Variants in MYO7B observed in about 807,000 individuals in gnomAD.
MYO7B encodes the protein unconventional myosin-VIIb.
MYO7B carries 212 observed loss-of-function variants against 259.7 expected under a neutral mutation model. The ratio of observed to expected loss-of-function variants is 0.82; its 90% CI spans 0.73 to 0.91. The LOEUF (loss-of-function observed/expected upper bound fraction) is 0.91. Among genes scored for constraint, MYO7B ranks in the 40% least tolerant of loss-of-function variants. The pLI is 0.00. For synonymous variants in MYO7B, 1,197 were observed against 1,166.4 expected (o/e 1.03, Z -0.54); for missense variants, 2,732 against 2,813.5 (o/e 0.97, Z 0.66).
Position 127,607,811 on chromosome 2 carries a change from T to C in MYO7B, c.2643+387T>C, listed in dbSNP as rs887195742. 2.6e-5 allele frequency among the ~76,000 whole-genome samples: 4 copies of C among 152,110 alleles called. No homozygotes were observed. The highest frequency in any genetic ancestry group is 4.8e-5 in the African/African-American group (2 of 41,418). ...CAGCCTTAGCCTTGAACCTGGAAGGTGAGCTCAGGTCCCCTCCCTTTCACC... is the reference window on the plus strand; with the variant it reads ...CAGCCTTAGCCTTGAACCTGGAAGGCGAGCTCAGGTCCCCTCCCTTTCACC... On this transcript the variant is annotated intron_variant, in intron 21 of 47. Transcript: ENST00000409816. The surrounding 1 kb of genome is among the most constrained non-coding windows in gnomAD (Gnocchi z 4.4).
At chr2:127,637,085 AG>A (rs1681875111) in intron 47 of MYO7B, 172 bp downstream of exon 47, 1 of 1,238,026 alleles carries the variant, frequency 8.1e-7, no homozygotes, top group South Asian at 1.3e-5. Context: ...CCAGCAGCCA[AG>A]GTGGCAAGGC....
At chr2:127,548,442 A>T (rs1693320531) in intron 1 of MYO7B, among the ~76,000 whole-genome samples, 2 of 139,084 alleles carry the variant, frequency 1.4e-5, no homozygotes, top group African/African-American at 2.8e-5. Context: ...TTTGAGATGG[A>T]GTCTCACTCT....
chr2:127,631,044 T>C (rs1239981856), intron 36 of MYO7B, 136 bp downstream of exon 36: 27 of 1,373,462 alleles, frequency 2.0e-5, no homozygotes, highest in Admixed American at 2.5e-5. Flanking sequence ...GCCACCCATG[T>C]GGAGCCTGCC....
In MYO7B at chr2:127,625,419, G is replaced by C; in HGVS notation, c.4099G>C (p.Ala1367Pro). 6.2e-7 allele frequency: 1 copy of C among 1,609,812 alleles called. No homozygotes were observed. Among genetic ancestry groups the C allele is most frequent in the South Asian group, 1.1e-5 (1 of 90,368 alleles). The change falls in exon 31 of 48, where the codon GCC becomes CCC. Residue 1367 changes from alanine to proline, a missense_variant. Physicochemically the swap from Ala to Pro is conservative, Grantham distance 27. Coordinates refer to ENST00000409816, the MANE Select transcript of MYO7B (RefSeq NM_001393586.1). Reference protein sequence around the residue: ...LARHCYVQLGASAESKAVQEL... With the variant: ...LARHCYVQLGPSAESKAVQEL... ...CCGGCACTGCTACGTGCAGCTCGGC[G>C]CCTCAGCAGAGAGCAAGGCTGTCCA... is the stretch of plus-strand genomic sequence containing the variant.
rs201182404 is a variant in MYO7B at position 127,634,731 on chromosome 2, G to C, written c.5713+48G>C. On this transcript the variant is annotated intron_variant, in intron 42 of 47. Coordinates refer to ENST00000409816, the MANE Select transcript of MYO7B (RefSeq NM_001393586.1). The stretch of plus-strand genomic sequence containing the variant: ...GGGGGAGGGCGTGGCTGGGTGGGTC[G>C]AGGGGGCACTGGCGGCCTCTGTGCG... 2.7e-6 allele frequency: 4 copies of C among 1,509,254 alleles called. No homozygotes were observed. In the Admixed American group the frequency reaches 5.5e-5, roughly 21 times the overall value. 93.5% of individuals were successfully genotyped at this position (1,509,254 alleles called of 1,614,324 possible). A position where few individuals can be genotyped will look rare whatever the true frequency, so the allele number is the denominator to read the frequency against.
rs762766651 is a variant in MYO7B at position 127,636,350 on chromosome 2, T to C, written c.6123+26T>C. 6.3e-7 allele frequency: 1 copy of C among 1,593,392 alleles called. No individual in the cohort carries two copies. The highest frequency in any genetic ancestry group is 1.1e-5 in the South Asian group (1 of 90,524). On this transcript the variant is annotated intron_variant, in intron 45 of 47. Transcript: ENST00000409816. The surrounding 1 kb of genome is among the most constrained non-coding windows in gnomAD (Gnocchi z 4.5). ...GTAAACCTTGCCCCACGCCAGGGCC[T>C]CCTACCCAAGCAGGCTCCGCTCAGC... is the stretch of plus-strand genomic sequence containing the variant.
intron 31 of MYO7B, 93 bp downstream of exon 31, chr2:127,625,628 C>A: frequency 7.8e-7 from 1 of 1,285,030 alleles, no homozygotes; most frequent in Non-Finnish European, 1.0e-6. Flanking sequence ...ATTCCCTCCC[C>A]ACAACCCCCA....
At chr2:127,574,105 G>A in intron 7 of MYO7B, 43 bp downstream of exon 7, 3 of 1,610,006 alleles carry the variant, frequency 1.9e-6, no homozygotes, top group East Asian at 2.2e-5. Flanking sequence ...AGGGAATGGG[G>A]GAGGTTTCCA....
At chr2:127,541,119 A>C (rs1364420349) in intron 1 of MYO7B, among the ~76,000 whole-genome samples, 1 of 151,208 alleles carries the variant, frequency 6.6e-6, no homozygotes, top group Non-Finnish European at 1.5e-5. Flanking sequence ...CAGTGAAGGG[A>C]GCGTCTGCTG....
intron 1 of MYO7B, among the ~76,000 whole-genome samples, chr2:127,536,856 C>G (rs1372587554): frequency 6.6e-6 from 1 of 152,180 alleles, no homozygotes; most frequent in Admixed American, 6.5e-5. Context: ...TGCTGGGGGC[C>G]CTACGTCTGT....
rs1677971530 is a variant in MYO7B at position 127,559,355 on chromosome 2, A to C, written c.-23-345A>C. On this transcript the variant is annotated intron_variant, in intron 1 of 47. Transcript: ENST00000409816. This position sits in a 1 kb window ranked among gnomAD's most constrained non-coding sequence, Gnocchi z 4.1. ...TATAGCTCCAGTGGCTGCTTACCTG[A>C]GCACTTCCCAAGATGTGTGACGGTG... is the stretch of plus-strand genomic sequence containing the variant. Among the ~76,000 whole-genome samples, 1 of 152,214 alleles carries C rather than the reference A, an allele frequency of 6.6e-6. No individual in the cohort carries two copies.
chr2:127,558,648 T>C (rs1396837832), intron 1 of MYO7B, among the ~76,000 whole-genome samples: 1 of 152,210 alleles, frequency 6.6e-6, no homozygotes, highest in Admixed American at 6.5e-5. Flanking sequence ...CTATGTATCA[T>C]ATATATAGAG....
chr2:127,592,893 G>T lies in MYO7B; in HGVS notation c.2092G>T (p.Glu698Ter). 6.2e-7 allele frequency: 1 copy of T among 1,608,562 alleles called. No homozygotes were observed. The highest frequency in any genetic ancestry group is 8.5e-7 in the Non-Finnish European group (1 of 1,178,004). Reference protein sequence around the residue: ...KSGFPIRYTFEEFSQRFGVLL... With the variant: ...KSGFPIRYTF Reference sequence around the variant, plus strand: ...GGGCTTCCCCATCCGCTACACGTTCGAGGAGTTCTCGCAGAGGTTCGGCGT... The same window carrying T: ...GGGCTTCCCCATCCGCTACACGTTCTAGGAGTTCTCGCAGAGGTTCGGCGT... The change falls in exon 17 of 48, where the codon GAG becomes TAG. Residue 698 changes from glutamate to a stop codon, truncating the protein, a stop_gained. Coordinates refer to ENST00000409816, the MANE Select transcript of MYO7B (RefSeq NM_001393586.1). LOFTEE classifies it high-confidence loss of function.
intron 18 of MYO7B, among the ~76,000 whole-genome samples, chr2:127,595,287 C>G (rs571999643): frequency 6.6e-6 from 1 of 152,126 alleles, no homozygotes; most frequent in East Asian, 1.9e-4. Context: ...TGATGGTTGT[C>G]TGTATTTCTG....
At chr2:127,562,076 T>C (rs1678111901) in intron 2 of MYO7B, among the ~76,000 whole-genome samples, 1 of 152,092 alleles carries the variant, frequency 6.6e-6, no homozygotes, top group African/African-American at 2.4e-5. Context: ...CTCTTCCTTT[T>C]TTATAGACAC....
chr2:127,571,451 T>TTTTTTTTTTTTTTTTTG, intron 6 of MYO7B, among the ~76,000 whole-genome samples: 1 of 140,932 alleles, frequency 7.1e-6, no homozygotes, highest in Non-Finnish European at 1.5e-5. Context: ...AGTTTTTTTT[T>TTTTTTTTTTTTTTTTTG]TTTTTTTTGC....
In MYO7B at chr2:127,597,425, G is replaced by GC. The variant is rs1290436172; in HGVS notation, c.2339+874dup. ...TCCTTCTGCGGCCTTGTTTAGCCAC[G>GC]CCCCCTCCCTCACACCTGCCCCCAG... On this transcript the variant is annotated intron_variant, in intron 19 of 47. Transcript: ENST00000409816. This position sits in a 1 kb window ranked among gnomAD's most constrained non-coding sequence, Gnocchi z 4.8. Among the ~76,000 whole-genome samples, 3 of 151,816 alleles carry GC rather than the reference G, an allele frequency of 2.0e-5. No homozygotes were observed. The highest frequency in any genetic ancestry group is 4.4e-5 in the Non-Finnish European group (3 of 67,970).
chr2:127,571,442 G>GTTTTTTTTTTTTGTTTTTTTTTTTTTTT (rs1553448473), intron 6 of MYO7B, among the ~76,000 whole-genome samples: 1 of 41,984 alleles, frequency 2.4e-5, no homozygotes, highest in Admixed American at 3.4e-4. Flanking sequence ...TTACCAGTGA[G>GTTTTTTTTTTTTGTTTTTTTTTTTTTTT]TTTTTTTTTT....
In MYO7B at chr2:127,628,035, G is replaced by A. The variant is rs1372895165; in HGVS notation, c.4461-337G>A. ...AAACTGAAGCACGCCGAGGTTAGGT[G>A]GCTCAGAGTAAGCACATGGCAGAGC... On this transcript the variant is annotated intron_variant, in intron 33 of 47. Transcript: ENST00000409816. This position sits in a 1 kb window ranked among gnomAD's most constrained non-coding sequence, Gnocchi z 4.8. 1.9e-6 allele frequency: 1 copy of A among 523,342 alleles called. No individual in the cohort carries two copies. The highest frequency in any genetic ancestry group is 2.2e-5 in the Admixed American group (1 of 44,558). 32.4% of individuals were successfully genotyped at this position (523,342 alleles called of 1,614,324 possible).
Sources: allele counts gnomAD v4.1 joint callset (sites outside exome capture counted in the v4.1 genomes callset), GRCh38; gene constraint gnomAD v4.1.1; non-coding constraint Gnocchi (gnomAD v3.1); transcripts MANE v1.5; gene names NCBI Gene and HGNC (gene_info 2026-07-23, HGNC 2026-07-21).